NLGN4Y: variants seen among roughly 807,000 people sequenced by gnomAD.
The protein encoded by NLGN4Y is neuroligin-4, Y-linked.
In NLGN4Y, 4 loss-of-function variants were observed where a neutral mutation model predicts 8.4. The observed-to-expected ratio is 0.48, with a 90% confidence interval of 0.23 to 1.09. The LOEUF is 1.09. NLGN4Y is among the 50% of genes least tolerant of loss of function. The pLI is 0.19. For missense variants in NLGN4Y, 90 were observed against 192.3 expected, an observed-to-expected ratio of 0.47 and a Z score of 3.15; for synonymous variants, 35 against 75.6, an observed-to-expected ratio of 0.46 and a Z score of 2.78.
chrY:14,589,275 C>A, intron 1 of NLGN4Y, among the ~76,000 whole-genome samples: 1 of 33,275 alleles, frequency 3.0e-5, no homozygotes, highest in Admixed American at 2.7e-4. Flanking sequence ...AGAGTTTCGA[C>A]ACACAGGTTC....
intron 4 of NLGN4Y, among the ~76,000 whole-genome samples, chrY:14,802,610 TTATA>T (rs2043037417): frequency 5.0e-5 from 1 of 19,879 alleles, no homozygotes; most frequent in Non-Finnish European, 1.0e-4. Context: ...TAAAAGTATA[TTATA>T]TATCATACTT....
At chrY:14,739,162 G>C in intron 4 of NLGN4Y, among the ~76,000 whole-genome samples, 1 of 32,619 alleles carries the variant, frequency 3.1e-5, no homozygotes, top group African/African-American at 1.2e-4. Context: ...GTGTGCAGCT[G>C]TGTGATCATA....
chrY:14,687,271 A>T, intron 2 of NLGN4Y, among the ~76,000 whole-genome samples: 1 of 32,557 alleles, frequency 3.1e-5, no homozygotes, highest in Non-Finnish European at 7.5e-5. Flanking sequence ...AGAAGCCACG[A>T]TGATATATGA....
chrY:14,820,835 G>C lies in NLGN4Y; in HGVS notation c.686-3353G>C, dbSNP rs750317821. On this transcript the variant is annotated intron_variant, in intron 4 of 6. Coordinates refer to ENST00000684976, the MANE Select transcript of NLGN4Y (RefSeq NM_001365588.1). ...TTTGAAAGTTATGCTCATGGCTGCA[G>C]GGTCAACCAACTTTTTGTTGGGACC... 5.7e-4 allele frequency among the ~76,000 whole-genome samples: 19 copies of C among 33,495 alleles called. No individual in the cohort carries two copies. In the East Asian group the frequency reaches 0.015, roughly 26 times the overall value. The allele number at this position is 33,495 out of a possible 37,273, so 89.9% of individuals were successfully genotyped here.
chrY:14,646,523 T>C, intron 2 of NLGN4Y, among the ~76,000 whole-genome samples: 6 of 33,574 alleles, frequency 1.8e-4, no homozygotes, highest in African/African-American at 7.0e-4. Context: ...GTGAAGATAT[T>C]TCCAAAGACA....
chrY:14,548,862 T>A, intron 1 of NLGN4Y, among the ~76,000 whole-genome samples: 1 of 33,655 alleles, frequency 3.0e-5, no homozygotes, highest in Non-Finnish European at 7.4e-5. Flanking sequence ...TTGCAGTTAT[T>A]GTAACTCCAT....
chrY:14,531,670 A>G (rs2150460488), intron 1 of NLGN4Y, among the ~76,000 whole-genome samples: 4 of 30,637 alleles, frequency 1.3e-4, no homozygotes, highest in African/African-American at 5.0e-4. Flanking sequence ...TAACTCATTT[A>G]AATACAATTT....
intron 5 of NLGN4Y, 55 bp downstream of exon 5, chrY:14,824,428 T>C: frequency 8.8e-6 from 3 of 340,707 alleles, no homozygotes; most frequent in Non-Finnish European, 8.6e-6. Context: ...AAGAAATGAA[T>C]AGTCAGAGTT....
At chrY:14,836,270 A>G (rs777496018) in intron 6 of NLGN4Y, among the ~76,000 whole-genome samples, 1 of 32,777 alleles carries the variant, frequency 3.1e-5, no homozygotes, top group East Asian at 8.4e-4. Flanking sequence ...TGTAAATGAG[A>G]AGCACCATCA....
chrY:14,716,257 A>G (rs1027463769), intron 2 of NLGN4Y, among the ~76,000 whole-genome samples: 1 of 33,454 alleles, frequency 3.0e-5, no homozygotes, highest in Non-Finnish European at 7.4e-5. Flanking sequence ...AGATGGAAGA[A>G]AAAGGTAGAT....
At chrY:14,665,070 G>A in intron 2 of NLGN4Y, among the ~76,000 whole-genome samples, 2 of 33,365 alleles carry the variant, frequency 6.0e-5, no homozygotes, top group African/African-American at 1.2e-4. Flanking sequence ...CAGGACTTGC[G>A]CCTCTGAATT....
chrY:14,758,133 C>CAT (rs2081068334), intron 4 of NLGN4Y, among the ~76,000 whole-genome samples: 1 of 33,770 alleles, frequency 3.0e-5, no homozygotes, highest in African/African-American at 1.2e-4. Context: ...AATTGGTTAT[C>CAT]ATATATATAT....
At chrY:14,552,702 A>C (rs2080197635) in intron 1 of NLGN4Y, among the ~76,000 whole-genome samples, 1 of 33,748 alleles carries the variant, frequency 3.0e-5, no homozygotes, top group Admixed American at 2.8e-4. Context: ...AATGCAGAAA[A>C]GGCCTTTGAA....
chrY:14,828,795 A>G (rs2043158963), intron 5 of NLGN4Y, among the ~76,000 whole-genome samples: 1 of 33,896 alleles, frequency 3.0e-5, no homozygotes, highest in Admixed American at 2.7e-4. Flanking sequence ...TGGGATTTAC[A>G]GAAACGTCAG....
At chrY:14,731,312 C>T (rs2080971632) in intron 4 of NLGN4Y, among the ~76,000 whole-genome samples, 1 of 31,808 alleles carries the variant, frequency 3.1e-5, no homozygotes, top group Non-Finnish European at 7.6e-5. Flanking sequence ...GGATTACAGG[C>T]GTGAGCCACT....
At chrY:14,769,173 C>G in intron 4 of NLGN4Y, among the ~76,000 whole-genome samples, 2 of 33,428 alleles carry the variant, frequency 6.0e-5, no homozygotes, top group Non-Finnish European at 1.5e-4. Flanking sequence ...GAAAAGGCCA[C>G]TTTAAAAGGG....
chrY:14,763,393 G>A (rs2081086054), intron 4 of NLGN4Y, among the ~76,000 whole-genome samples: 1 of 33,025 alleles, frequency 3.0e-5, no homozygotes, highest in Non-Finnish European at 7.5e-5. Flanking sequence ...GCAATAAAAA[G>A]AAAAGGTGGG....
intron 4 of NLGN4Y, among the ~76,000 whole-genome samples, chrY:14,723,952 T>A: frequency 6.0e-5 from 2 of 33,465 alleles, no homozygotes; most frequent in Non-Finnish European, 1.5e-4. Context: ...AGGGTAAAGG[T>A]TTTAATACCT....
intron 2 of NLGN4Y, among the ~76,000 whole-genome samples, chrY:14,648,479 G>A: frequency 1.5e-4 from 5 of 32,766 alleles, no homozygotes; most frequent in Admixed American, 8.5e-4. Context: ...AAATAAAAGG[G>A]AAAAGTTGGT....
Sources: allele counts gnomAD v4.1 joint callset (sites outside exome capture counted in the v4.1 genomes callset), GRCh38; gene constraint gnomAD v4.1.1; transcripts MANE v1.5; gene names NCBI Gene and HGNC (gene_info 2026-07-23, HGNC 2026-07-21).